Variants in SOX13 observed in about 807,000 individuals in gnomAD.
The protein encoded by SOX13 is transcription factor SOX-13.
Under a neutral mutation model 71.8 loss-of-function variants are expected in SOX13, and 28 were observed. That is an observed-to-expected ratio of 0.39 (90% CI 0.29 to 0.53). The LOEUF is 0.53. Ranked by LOEUF, SOX13 falls within the 20% of genes least tolerant of loss-of-function variation. SOX13 has a pLI of 0.70. For missense variants in SOX13, 627 were observed against 810.3 expected (o/e 0.77, Z 2.75); for synonymous variants, 309 against 317.8 (o/e 0.97, Z 0.29).
intron 1 of SOX13, among the ~76,000 whole-genome samples, chr1:204,096,748 C>A (rs12072483): frequency 0.093 from 14,074 of 152,150 alleles, 675 homozygotes; most frequent in Middle Eastern, 0.12. Flanking sequence ...TGAGGTTTTT[C>A]CATGTTGCCC....
At chr1:204,093,216 A>G (rs1251986805) in intron 1 of SOX13, among the ~76,000 whole-genome samples, 3 of 152,158 alleles carry the variant, frequency 2.0e-5, no homozygotes, top group Non-Finnish European at 4.4e-5. Context: ...TGCTAGCTGT[A>G]GGTAGGGCGT....
In SOX13 at chr1:204,116,576, G is replaced by T. The variant is rs768271282; in HGVS notation, c.488G>T (p.Arg163Leu). 3 of 1,613,918 alleles carry T rather than the reference G, an allele frequency of 1.9e-6. No homozygotes were observed. Among genetic ancestry groups the T allele is most frequent in the African/African-American group, 1.3e-5 (1 of 74,934 alleles). ...ATGATTCACCAGCTGTCCACCCTGCGGGACCAGCTCCTGACAGCCCACTCG... is the reference window on the plus strand; with the variant it reads ...ATGATTCACCAGCTGTCCACCCTGCTGGACCAGCTCCTGACAGCCCACTCG... Reference protein sequence around the residue: ...LVMIHQLSTLRDQLLTAHSEQ... With the variant: ...LVMIHQLSTLLDQLLTAHSEQ... The change falls in exon 5 of 14, where the codon CGG becomes CTG. Residue 163 changes from arginine (R) to leucine (L), a missense_variant. By Grantham distance (102) the Arg-to-Leu change is moderately radical. Around this residue, in one of 3 missense-constraint regions of SOX13, gnomAD observed 447 missense variants for 532.2 expected, o/e 0.84. Coordinates refer to ENST00000367204, the MANE Select transcript of SOX13 (RefSeq NM_005686.3).
At chr1:204,120,670 C>T (rs1253833475) in intron 7 of SOX13, among the ~76,000 whole-genome samples, 2 of 152,216 alleles carry the variant, frequency 1.3e-5, no homozygotes, top group East Asian at 1.9e-4. Flanking sequence ...CAGGCACTAG[C>T]GCACACCTCG....
At chr1:204,084,027 C>CAGA (rs1381333849) in intron 1 of SOX13, among the ~76,000 whole-genome samples, 1 of 152,186 alleles carries the variant, frequency 6.6e-6, no homozygotes, top group Non-Finnish European at 1.5e-5. Context: ...ACCTGGGCCT[C>CAGA]TAAGGGCATG....
rs768627704 is a variant in SOX13 at position 204,126,014 on chromosome 1, G to T, written c.1749G>T (p.Glu583Asp). 5.9e-5 allele frequency: 96 copies of T among 1,614,010 alleles called. 1 individual carries two copies. In the South Asian group the frequency reaches 7.4e-4, roughly 12 times the overall value. Residue 583 changes from glutamate to aspartate, a missense_variant, in exon 14 of 14, where the codon GAG becomes GAT. By Grantham distance (45) the Glu-to-Asp change is conservative (BLOSUM62 2). This residue lies in a region of SOX13 where 148 missense variants were observed against 192.7 expected (regional missense o/e 0.77). Coordinates refer to ENST00000367204, the MANE Select transcript of SOX13 (RefSeq NM_005686.3). ...VIVNTCSLREEGEGTDDRHSV... is the reference protein window; with the variant it reads ...VIVNTCSLREDGEGTDDRHSV... ...TCAACACCTGCAGCCTCAGAGAGGA[G>T]GGTGAGGGCACAGATGACAGGCACT...
intron 1 of SOX13, among the ~76,000 whole-genome samples, chr1:204,112,501 G>GCACACACACACACACACACACA (rs6143576): frequency 8.6e-5 from 5 of 57,888 alleles, no homozygotes; most frequent in Admixed American, 2.3e-4. Context: ...ACACATGCGT[G>GCACACACACACACACACACACA]CACACACACA....
In SOX13 at chr1:204,122,275, G is replaced by T; in HGVS notation, c.900G>T (p.Lys300Asn). ...SQPLNLTAKP[K>N]APELPNTSSS... ...CCCTGAACCTCACAGCCAAGCCCAA[G>T]GCCCCCGAGCTGCCCAACACCTCCA... Residue 300 changes from lysine (K) to asparagine (N), a missense_variant, in exon 9 of 14, where the codon AAG (lysine) becomes AAT (asparagine). Lys to Asn is a moderately conservative substitution (Grantham distance 94). Transcript: ENST00000367204. The T allele has an allele frequency of 6.3e-7, 1 of 1,589,826 alleles. No individual in the cohort carries two copies. Among genetic ancestry groups the T allele is most frequent in the South Asian group, 1.1e-5 (1 of 87,104 alleles).
chr1:204,086,747 A>G (rs1368257035), intron 1 of SOX13, among the ~76,000 whole-genome samples: 2 of 152,156 alleles, frequency 1.3e-5, no homozygotes, highest in East Asian at 3.9e-4. Flanking sequence ...TATCCATAAA[A>G]TGGCGTAATG....
intron 1 of SOX13, among the ~76,000 whole-genome samples, chr1:204,090,770 G>C (rs1343998635): frequency 3.9e-5 from 6 of 152,172 alleles, no homozygotes; most frequent in Admixed American, 3.9e-4. Flanking sequence ...ATTCAGCACG[G>C]GTGAATTTGG....
intron 1 of SOX13, among the ~76,000 whole-genome samples, chr1:204,087,790 C>T (rs970708309): frequency 2.0e-5 from 3 of 152,202 alleles, no homozygotes; most frequent in Admixed American, 6.5e-5. Flanking sequence ...GCCACAGCCC[C>T]GCACAGGATG....
intron 1 of SOX13, among the ~76,000 whole-genome samples, chr1:204,089,090 G>A (rs1013320342): frequency 6.7e-6 from 1 of 149,552 alleles, no homozygotes; most frequent in South Asian, 2.1e-4. Context: ...GTATTAATTT[G>A]TTTTTCAGAT....
chr1:204,109,818 TATTATTATTATC>T (rs1345764238), intron 1 of SOX13, among the ~76,000 whole-genome samples: 1 of 150,838 alleles, frequency 6.6e-6, no homozygotes, highest in Non-Finnish European at 1.5e-5. Flanking sequence ...TATTTATTGT[TATTATTATTATC>T]ATTATTATTA....
rs1364748557 is a variant in SOX13 at position 204,123,646 on chromosome 1, A to T, written c.1232-15A>T. On this transcript the variant is annotated splice_polypyrimidine_tract_variant and intron_variant, in intron 11 of 13. Transcript: ENST00000367204. The surrounding 1 kb of genome is among the most constrained non-coding windows in gnomAD (Gnocchi z 5.0). ...CCAGACAGGCTGCTTGGCTGACTTC[A>T]CTCCTGTCTCCCAGGCTCCCGCCAC... 1 of 1,610,184 alleles carries T rather than the reference A, an allele frequency of 6.2e-7. No homozygotes were observed. Among genetic ancestry groups the T allele is most frequent in the Non-Finnish European group, 8.5e-7 (1 of 1,178,466 alleles).
intron 1 of SOX13, 31 bp from the exon 2 acceptor site, chr1:204,112,884 C>T (rs1454259277): frequency 1.9e-6 from 3 of 1,579,894 alleles, no homozygotes; most frequent in African/African-American, 2.7e-5. Context: ...CGACTGGGGA[C>T]TCACCTCAGC....
chr1:204,077,044 T>C (rs945580945), intron 1 of SOX13, among the ~76,000 whole-genome samples: 1 of 152,232 alleles, frequency 6.6e-6, no homozygotes, highest in Non-Finnish European at 1.5e-5. Context: ...GGTCAGGCAG[T>C]GGTGGCCCTA....
At chr1:204,122,054 A>T (rs978332266) in intron 8 of SOX13, 69 bp downstream of exon 8, 25 of 1,217,510 alleles carry the variant, frequency 2.1e-5, no homozygotes, top group Non-Finnish European at 2.5e-5. Flanking sequence ...CGTGTTAGGG[A>T]ACTGCGGGGT....
At chr1:204,092,132 T>G (rs1656158793) in intron 1 of SOX13, among the ~76,000 whole-genome samples, 1 of 152,024 alleles carries the variant, frequency 6.6e-6, no homozygotes, top group Non-Finnish European at 1.5e-5. Flanking sequence ...ACTGCAGCCT[T>G]GAGCTCCTGG....
chr1:204,117,508 G>C (rs1414927249), intron 6 of SOX13, 85 bp from the exon 7 acceptor site: 1 of 844,528 alleles, frequency 1.2e-6, no homozygotes, highest in Non-Finnish European at 1.9e-6. Context: ...CTTGTCCATG[G>C]GTCCATTCTC....
intron 1 of SOX13, among the ~76,000 whole-genome samples, chr1:204,087,687 G>A (rs191774099): frequency 1.3e-5 from 2 of 152,322 alleles, no homozygotes; most frequent in East Asian, 1.9e-4. Context: ...AAGAATTCTG[G>A]TTTGCTGGAA....
Sources: allele counts gnomAD v4.1 joint callset (sites outside exome capture counted in the v4.1 genomes callset), GRCh38; gene constraint gnomAD v4.1.1; regional missense constraint gnomAD v4.1.1; non-coding constraint Gnocchi (gnomAD v3.1); transcripts MANE v1.5; gene names NCBI Gene and HGNC (gene_info 2026-07-23, HGNC 2026-07-21).